Variants in PPP1R12A observed in about 807,000 individuals in gnomAD.
PPP1R12A encodes myosin binding subunit.
A neutral mutation model predicts 139.6 loss-of-function variants in PPP1R12A; 19 were observed. The ratio of observed to expected loss-of-function variants is 0.14; its 90% confidence interval spans 0.09 to 0.20. The LOEUF is 0.20. PPP1R12A is among the 10% of genes least tolerant of loss of function. PPP1R12A has a pLI of 1.00. For missense variants in PPP1R12A, 925 were observed against 1,211.5 expected (o/e 0.76, Z 3.51); for synonymous variants, 427 against 420.6 (o/e 1.02, Z -0.19).
intron 20 of PPP1R12A, 55 bp from the exon 21 acceptor site, chr12:79,788,838 C>A: frequency 6.9e-7 from 1 of 1,445,452 alleles, no homozygotes; most frequent in Non-Finnish European, 9.4e-7. Context: ...ACAATTATAA[C>A]AACATACATC....
rs1565798229 is a variant in PPP1R12A, at chr12:79,887,451, TAAGC to T, written c.238-14517_238-14514del. ...AGGATGCCCAATTAAGAAAAAAAGA[TAAGC>T]AAGTAAGTAGAAAAATGCTATGAAA... On this transcript the variant is annotated intron_variant, in intron 1 of 24. Transcript: ENST00000450142. 2.0e-5 allele frequency among the ~76,000 whole-genome samples: 3 copies of T among 152,174 alleles called. No homozygotes were observed. In the East Asian group the frequency reaches 5.8e-4, roughly 29 times the overall value.
intron 1 of PPP1R12A, among the ~76,000 whole-genome samples, chr12:79,898,460 A>G (rs1288998653): frequency 6.6e-6 from 1 of 152,152 alleles, no homozygotes; most frequent in Non-Finnish European, 1.5e-5. Context: ...GTCTCAAAAA[A>G]CAAATAAATA....
At chr12:79,911,559 A>C (rs1261401829) in intron 1 of PPP1R12A, among the ~76,000 whole-genome samples, 1 of 152,184 alleles carries the variant, frequency 6.6e-6, no homozygotes, top group Admixed American at 6.5e-5. Flanking sequence ...CAGTTTAACT[A>C]TATAACAAAC....
At chr12:79,788,620 A>G in intron 21 of PPP1R12A, 28 bp downstream of exon 21, 1 of 1,556,446 alleles carries the variant, frequency 6.4e-7, no homozygotes, top group Non-Finnish European at 8.7e-7. Flanking sequence ...ATAACTTTTT[A>G]TTAAATATAA....
At chr12:79,880,642 A>G (rs1461083062) in intron 1 of PPP1R12A, among the ~76,000 whole-genome samples, 1 of 152,136 alleles carries the variant, frequency 6.6e-6, no homozygotes, top group East Asian at 1.9e-4. Context: ...GCTTATTTAG[A>G]GTTTTTAGGA....
chr12:79,932,136 C>T (rs1444494568), intron 1 of PPP1R12A, among the ~76,000 whole-genome samples: 3 of 152,160 alleles, frequency 2.0e-5, no homozygotes, highest in South Asian at 4.1e-4. Flanking sequence ...CCCCGTTATA[C>T]ATTTTAGGTA....
intron 2 of PPP1R12A, among the ~76,000 whole-genome samples, chr12:79,858,096 ATTC>A (rs1880894933): frequency 6.6e-6 from 1 of 152,224 alleles, no homozygotes; most frequent in African/African-American, 2.4e-5. Flanking sequence ...CTAATAAAGT[ATTC>A]TTGACAAGAA....
At chr12:79,894,134 A>T (rs1884916071) in intron 1 of PPP1R12A, among the ~76,000 whole-genome samples, 1 of 152,214 alleles carries the variant, frequency 6.6e-6, no homozygotes, top group Admixed American at 6.5e-5. Context: ...TAACATAATG[A>T]GACTGCTTTT....
At chr12:79,787,350 T>C (rs190810309) in intron 21 of PPP1R12A, 133 of 152,296 alleles carry the variant, frequency 8.7e-4, no homozygotes, top group African/African-American at 3.1e-3. Flanking sequence ...TAGCTATAAT[T>C]AAAATTTATT....
In PPP1R12A at chr12:79,808,484, T is replaced by G; in HGVS notation, c.1549A>C (p.Arg517=). ...TAAAGCAAATCAAAATAAACTCACC[T>G]GTTTTCTTTCTCTTCAATGTCAGAT... ...STSDIEEKEN[R]DSSSLRTSSS... is the part of the protein sequence containing the mutation. The change falls in exon 11 of 25, where the codon AGA becomes CGA. Residue 517 remains arginine, a splice_region_variant and synonymous_variant. Coordinates refer to ENST00000450142, the MANE Select transcript of PPP1R12A (RefSeq NM_002480.3). 6.3e-7 allele frequency: 1 copy of G among 1,584,500 alleles called. No individual in the cohort carries two copies. Among genetic ancestry groups the G allele is most frequent in the Non-Finnish European group, 8.7e-7 (1 of 1,155,678 alleles).
intron 2 of PPP1R12A, among the ~76,000 whole-genome samples, chr12:79,851,023 G>T (rs972698183): frequency 6.6e-6 from 1 of 152,132 alleles, no homozygotes; most frequent in African/African-American, 2.4e-5. Flanking sequence ...TGCAAGATTG[G>T]ACTAATACAT....
chr12:79,784,362 C>A (rs1027499788), intron 22 of PPP1R12A, among the ~76,000 whole-genome samples: 4 of 152,148 alleles, frequency 2.6e-5, no homozygotes, highest in African/African-American at 9.7e-5. Flanking sequence ...ACTTCTCTTG[C>A]CAGGTAACAG....
intron 14 of PPP1R12A, among the ~76,000 whole-genome samples, chr12:79,800,452 T>C (rs1445382642): frequency 6.6e-6 from 1 of 152,206 alleles, no homozygotes; most frequent in Admixed American, 6.5e-5. Flanking sequence ...AAGAATACAG[T>C]ACATAATATA....
chr12:79,818,270 G>T (rs1192365978), intron 8 of PPP1R12A, among the ~76,000 whole-genome samples: 1 of 151,992 alleles, frequency 6.6e-6, no homozygotes, highest in African/African-American at 2.4e-5. Flanking sequence ...TTGAGACAGG[G>T]TCTTGTTCTG....
chr12:79,776,202 T>C (rs934206308), intron 24 of PPP1R12A, among the ~76,000 whole-genome samples, 187 bp from the exon 25 acceptor site: 2 of 152,062 alleles, frequency 1.3e-5, no homozygotes, highest in Admixed American at 1.3e-4. Flanking sequence ...GTAAAGCTAA[T>C]TAGTTTCATA....
chr12:79,796,466 G>A (rs995908394), intron 17 of PPP1R12A, among the ~76,000 whole-genome samples: 7 of 152,104 alleles, frequency 4.6e-5, no homozygotes, highest in Non-Finnish European at 7.4e-5. Context: ...ATAGCTTAAA[G>A]CATCTGAGAA....
At chr12:79,920,687 T>C (rs1887366523) in intron 1 of PPP1R12A, among the ~76,000 whole-genome samples, 1 of 152,118 alleles carries the variant, frequency 6.6e-6, no homozygotes, top group African/African-American at 2.4e-5. Flanking sequence ...GGAGTGGAAC[T>C]TGTGGCTTTC....
chr12:79,810,793 G>C (rs773192282), intron 9 of PPP1R12A, among the ~76,000 whole-genome samples: 3 of 151,950 alleles, frequency 2.0e-5, no homozygotes, highest in Admixed American at 6.6e-5. Flanking sequence ...CATGAATTTT[G>C]TTTTTAATCC....
chr12:79,935,152 C>T (rs1002771396), upstream of PPP1R12A: 1 of 1,346,278 alleles, frequency 7.4e-7, no homozygotes, highest in Non-Finnish European at 9.5e-7. Flanking sequence ...AGCCCTCCCG[C>T]CCCCAGCACG....
Sources: allele counts gnomAD v4.1 joint callset (sites outside exome capture counted in the v4.1 genomes callset), GRCh38; gene constraint gnomAD v4.1.1; transcripts MANE v1.5; gene names NCBI Gene and HGNC (gene_info 2026-07-23, HGNC 2026-07-21).